Variants in BMS1 observed in about 807,000 individuals in gnomAD.
BMS1 encodes ribosome biogenesis protein BMS1 homolog.
Under a neutral mutation model 138.7 loss-of-function variants are expected in BMS1, and 53 were observed. The ratio of observed to expected loss-of-function variants is 0.38; its 90% confidence interval spans 0.31 to 0.48. BMS1 has a LOEUF of 0.48. Ranked by LOEUF, BMS1 falls within the 20% of genes least tolerant of loss-of-function variation. BMS1 has a pLI of 0.97. For synonymous variants in BMS1, 504 were observed against 539.9 expected, an observed-to-expected ratio of 0.93 and a Z score of 0.92; for missense variants, 1,360 against 1,565.5, an observed-to-expected ratio of 0.87 and a Z score of 2.22.
chr10:42,820,228 A>G lies in BMS1; in HGVS notation c.2581-8A>G, dbSNP rs747437467. The G allele has an allele frequency of 2.0e-5, 32 of 1,609,618 alleles. No individual in the cohort carries two copies. The Admixed American group carries it at 2.0e-4, about 10-fold the overall frequency. ...CATACAGGTTTTTTTATTCCCCATC[A>G]TGTACAGCTGAATCGCGCAGAATTT... On this transcript the variant is annotated splice_polypyrimidine_tract_variant and splice_region_variant and intron_variant, in intron 15 of 22. Coordinates refer to ENST00000374518, the MANE Select transcript of BMS1 (RefSeq NM_014753.4).
Position 42,792,626 on chromosome 10 carries a change from T to C in BMS1, c.901+12T>C, listed in dbSNP as rs191521695. ...AATTCACATGCCAGGTATTCTCTTG[T>C]TGTAGAACATACTAGAATTACACAT... On this transcript the variant is annotated intron_variant, in intron 7 of 22. Transcript: ENST00000374518. The C allele has an allele frequency of 3.0e-3, 4,773 of 1,602,392 alleles. 10 individuals carry two copies. The highest frequency in any genetic ancestry group is 3.4e-3 in the Non-Finnish European group (3,992 of 1,179,184).
Position 42,820,210 on chromosome 10 carries a change from GT to G in BMS1, c.2581-19del. ...GTTTATTACAGATAACAGCATACAGGTTTTTTTATTCCCCATCATGTACAGC... is the reference window on the plus strand; with the variant it reads ...GTTTATTACAGATAACAGCATACAGGTTTTTTATTCCCCATCATGTACAGC... On this transcript the variant is annotated intron_variant, in intron 15 of 22. Transcript: ENST00000374518. 2 of 1,605,366 alleles carry G rather than the reference GT, an allele frequency of 1.2e-6. No homozygotes were observed.
intron 1 of BMS1, among the ~76,000 whole-genome samples, chr10:42,783,654 T>A (rs1841234155): frequency 6.6e-6 from 1 of 152,144 alleles, no homozygotes. Flanking sequence ...TAGCCACAGA[T>A]TCCCAGGTAA....
intron 8 of BMS1, 36 bp downstream of exon 8, chr10:42,793,180 C>G: frequency 1.3e-6 from 2 of 1,531,504 alleles, no homozygotes; most frequent in Non-Finnish European, 8.8e-7. Flanking sequence ...TCTGAACTTT[C>G]AGTATTCTTT....
In BMS1 at chr10:42,792,507, C is replaced by T; in HGVS notation, c.794C>T (p.Thr265Ile). 6.2e-7 allele frequency: 1 copy of T among 1,611,308 alleles called. No homozygotes were observed. Among genetic ancestry groups the T allele is most frequent in the Non-Finnish European group, 8.5e-7 (1 of 1,179,618 alleles). ...YILADRMEDL[T>I]NPEDIRTNIK... ...TATTTTTCTAGGATGGAAGATTTGA[C>T]AAACCCAGAGGATATCCGAACAAAC... is the stretch of plus-strand genomic sequence containing the variant. Residue 265 changes from threonine to isoleucine, a missense_variant, in exon 7 of 23, where the codon ACA (threonine) becomes ATA (isoleucine). This residue lies in a region of BMS1 where 697 missense variants were observed against 686.2 expected (regional missense o/e 1.02). Coordinates refer to ENST00000374518, the MANE Select transcript of BMS1 (RefSeq NM_014753.4).
intron 3 of BMS1, among the ~76,000 whole-genome samples, chr10:42,786,083 C>G (rs549838039): frequency 2.0e-4 from 30 of 152,308 alleles, no homozygotes; most frequent in African/African-American, 7.0e-4. Flanking sequence ...ATAATGTTCA[C>G]TATGTCTTAT....
chr10:42,822,022 T>A, intron 18 of BMS1, 40 bp from the exon 19 acceptor site: 1 of 1,570,690 alleles, frequency 6.4e-7, no homozygotes, highest in Non-Finnish European at 8.6e-7. Context: ...TTTCTCTTGC[T>A]GATATTATTC....
At position 42,798,902 on chromosome 10, in the gene BMS1, T is replaced by C. The variant is rs1841784080; in HGVS notation, c.2247+277T>C. Among the ~76,000 whole-genome samples, 5 of 152,366 alleles carry C rather than the reference T, an allele frequency of 3.3e-5. No individual in the cohort carries two copies. The South Asian group carries it at 1.0e-3, about 32-fold the overall frequency. On this transcript the variant is annotated intron_variant, in intron 12 of 22. Transcript: ENST00000374518. Reference sequence around the variant, plus strand: ...TTTTGAAACATCACACATAAGTTTTTATACATCAGATGTATTTTGTGTCTT... The same window carrying C: ...TTTTGAAACATCACACATAAGTTTTCATACATCAGATGTATTTTGTGTCTT...
chr10:42,828,870 G>T (rs1010317511), intron 21 of BMS1, among the ~76,000 whole-genome samples: 1 of 151,968 alleles, frequency 6.6e-6, no homozygotes, highest in African/African-American at 2.4e-5. Flanking sequence ...CGTCTTACAT[G>T]AATTTTTATT....
In BMS1 at chr10:42,833,281, T is replaced by C. The variant is rs1166236838; in HGVS notation, c.*2185T>C. 6.6e-6 allele frequency: 1 copy of C among 152,254 alleles called. No homozygotes were observed. The highest frequency in any genetic ancestry group is 1.5e-5 in the Non-Finnish European group (1 of 68,042). The allele number at this position is 152,254 out of a possible 1,614,324, so 9.4% of individuals were successfully genotyped here. On this transcript the variant is annotated 3_prime_UTR_variant, in exon 23 of 23. Transcript: ENST00000374518. ...TAAACTAAAGTTAAGGAATCTCTAA[T>C]GTCTGAAAGAAACAATAAATAGCAT...
At position 42,831,095 on chromosome 10, in the gene BMS1, G is replaced by T. The variant is rs1367394537; in HGVS notation, c.3848G>T (p.Ter1283LeuextTer14). 4 of 1,558,922 alleles carry T rather than the reference G, an allele frequency of 2.6e-6. 1 individual carries two copies. The highest frequency in any genetic ancestry group is 2.7e-5 in the African/African-American group (2 of 73,686). ...AAGGGGGCTGAGGGCCAATTGCAGT[G>T]AGCCTTTGGACTGGAGGGACTGTCC... ...SLKGAEGQLQ[*>L] is the part of the protein sequence containing the mutation. Residue 1283 changes from the stop codon to leucine, a stop_lost, in exon 23 of 23, where the codon TGA (stop) becomes TTA (leucine). Transcript: ENST00000374518.
chr10:42,822,043 A>C lies in BMS1; in HGVS notation c.3010-19A>C. The C allele has an allele frequency of 6.3e-7, 1 of 1,590,048 alleles. No homozygotes were observed. Among genetic ancestry groups the C allele is most frequent in the Non-Finnish European group, 8.5e-7 (1 of 1,174,316 alleles). ...TTGCTGATATTATTCCTATTTTCAAATTTTGGGGTTCCTGTTAGCCTGATT... is the reference window on the plus strand; with the variant it reads ...TTGCTGATATTATTCCTATTTTCAACTTTTGGGGTTCCTGTTAGCCTGATT... On this transcript the variant is annotated intron_variant, in intron 18 of 22. Transcript: ENST00000374518.
chr10:42,822,382 G>A (rs1412332473), intron 19 of BMS1, among the ~76,000 whole-genome samples, 198 bp downstream of exon 19: 2 of 152,130 alleles, frequency 1.3e-5, no homozygotes, highest in Non-Finnish European at 2.9e-5. Flanking sequence ...AGCTATTTAG[G>A]AATTGAGGCT....
intron 21 of BMS1, among the ~76,000 whole-genome samples, chr10:42,824,084 A>G (rs1486099246): frequency 6.6e-6 from 1 of 152,212 alleles, no homozygotes; most frequent in African/African-American, 2.4e-5. Flanking sequence ...ACTGGTTACT[A>G]TCGTGAAGCA....
intron 21 of BMS1, among the ~76,000 whole-genome samples, chr10:42,824,334 G>A (rs1403654982): frequency 2.0e-5 from 3 of 152,114 alleles, no homozygotes; most frequent in Admixed American, 2.0e-4. Flanking sequence ...CAACTGGGTT[G>A]TTTTTCTGCT....
intron 15 of BMS1, among the ~76,000 whole-genome samples, chr10:42,818,814 G>A (rs1334689594): frequency 3.9e-5 from 6 of 152,194 alleles, no homozygotes; most frequent in Admixed American, 3.9e-4. Flanking sequence ...GACTGGCATG[G>A]GCGAGATGGG....
chr10:42,821,797 C>T (rs1414573147), intron 18 of BMS1, among the ~76,000 whole-genome samples: 1 of 152,102 alleles, frequency 6.6e-6, no homozygotes, highest in Non-Finnish European at 1.5e-5. Context: ...AGGTGATCCA[C>T]CCGCCTTGGC....
rs1332155578 is a variant in BMS1, at chr10:42,796,811, G to A, written c.1567G>A (p.Glu523Lys). 4 of 1,614,240 alleles carry A rather than the reference G, an allele frequency of 2.5e-6. No homozygotes were observed. The highest frequency in any genetic ancestry group is 2.5e-6 in the Non-Finnish European group (3 of 1,180,034). ...AEEGEAEEAD[E>K]SSEEEDCTAG... ...AGAAGGGGAAGCGGAGGAAGCTGAT[G>A]AAAGCAGTGAAGAAGAGGACTGCAC... is the stretch of plus-strand genomic sequence containing the variant. Residue 523 changes from glutamate to lysine, a missense_variant, in exon 10 of 23, where the codon GAA (glutamate) becomes AAA (lysine). Glu to Lys is a moderately conservative substitution (Grantham distance 56, BLOSUM62 1). Coordinates refer to ENST00000374518, the MANE Select transcript of BMS1 (RefSeq NM_014753.4).
intron 11 of BMS1, 128 bp from the exon 12 acceptor site, chr10:42,798,340 C>A: frequency 8.6e-7 from 1 of 1,159,702 alleles, no homozygotes; most frequent in Non-Finnish European, 1.2e-6. Context: ...TGGCCATTGC[C>A]ATACCCACCA....
Sources: allele counts gnomAD v4.1 joint callset (sites outside exome capture counted in the v4.1 genomes callset), GRCh38; gene constraint gnomAD v4.1.1; regional missense constraint gnomAD v4.1.1; transcripts MANE v1.5; gene names NCBI Gene and HGNC (gene_info 2026-07-23, HGNC 2026-07-21).